Variants in NAV2 observed in about 807,000 individuals in gnomAD.
NAV2 encodes neuron navigator 2.
Under a neutral mutation model 223.2 loss-of-function variants are expected in NAV2, and 54 were observed. The observed-to-expected ratio is 0.24, with a 90% CI of 0.19 to 0.30. The LOEUF (loss-of-function observed/expected upper bound fraction) is 0.30, where lower values mean the gene tolerates loss of function less well. Ranked by LOEUF, NAV2 falls within the 10% of genes least tolerant of loss-of-function variation. NAV2 has a pLI of 1.00. For missense variants in NAV2, 2,806 were observed against 3,147.5 expected (o/e 0.89, Z 2.60); for synonymous variants, 1,279 against 1,239.3 (o/e 1.03, Z -0.67).
chr11:19,890,539 T>C (rs1232108787), intron 5 of NAV2, among the ~76,000 whole-genome samples: 1 of 152,192 alleles, frequency 6.6e-6, no homozygotes, highest in Non-Finnish European at 1.5e-5. Context: ...CTTAATACCA[T>C]TGCTCTGACA....
At chr11:19,888,167 G>A (rs541175691) in intron 5 of NAV2, among the ~76,000 whole-genome samples, 28 of 152,266 alleles carry the variant, frequency 1.8e-4, no homozygotes, top group Non-Finnish European at 3.4e-4. Context: ...ACATGTATAT[G>A]TTTCAAAGGA....
intron 1 of NAV2, among the ~76,000 whole-genome samples, chr11:19,532,172 TC>T (rs143033527): frequency 7.1e-4 from 108 of 152,092 alleles, no homozygotes; most frequent in African/African-American, 2.4e-3. Context: ...CAGTGAAAGA[TC>T]TTTTCTGGAA....
chr11:19,722,281 G>T (rs182697197), intron 1 of NAV2, among the ~76,000 whole-genome samples: 1 of 151,670 alleles, frequency 6.6e-6, no homozygotes, highest in Non-Finnish European at 1.5e-5. Context: ...TGTTTCCAAG[G>T]TTGCAAATAC....
chr11:19,875,062 C>G (rs992248243), intron 4 of NAV2, among the ~76,000 whole-genome samples: 1 of 152,182 alleles, frequency 6.6e-6, no homozygotes, highest in African/African-American at 2.4e-5. Context: ...GAGGCTGACT[C>G]AGGAGAATCA....
intron 1 of NAV2, among the ~76,000 whole-genome samples, chr11:19,557,511 G>A (rs747301914): frequency 2.6e-5 from 4 of 152,214 alleles, no homozygotes; most frequent in Non-Finnish European, 4.4e-5. Flanking sequence ...ATGGACAATC[G>A]ATGGTACTCT....
At chr11:19,626,357 TG>T (rs1032375228) in intron 1 of NAV2, among the ~76,000 whole-genome samples, 5 of 152,222 alleles carry the variant, frequency 3.3e-5, no homozygotes, top group Admixed American at 1.3e-4. Context: ...GGTTAATTTC[TG>T]GGTTCTCTAT....
intron 1 of NAV2, among the ~76,000 whole-genome samples, chr11:19,701,287 G>A (rs2152284265): frequency 6.6e-6 from 1 of 152,260 alleles, no homozygotes; most frequent in Admixed American, 6.5e-5. Flanking sequence ...GGCAAGGAAA[G>A]TGCTCAAATG....
intron 11 of NAV2, among the ~76,000 whole-genome samples, chr11:20,015,936 C>T (rs538835764): frequency 3.6e-4 from 55 of 152,142 alleles, no homozygotes; most frequent in Non-Finnish European, 4.4e-4. Context: ...CCTCTAATGC[C>T]GTGTCACGGA....
intron 1 of NAV2, among the ~76,000 whole-genome samples, chr11:19,450,152 G>A (rs1277243256): frequency 2.0e-5 from 3 of 152,200 alleles, no homozygotes; most frequent in Non-Finnish European, 4.4e-5. Context: ...GTACAGTGGA[G>A]CTGCAGGGGT....
At chr11:19,354,129 T>C (rs1264481032) in intron 1 of NAV2, among the ~76,000 whole-genome samples, 1 of 152,226 alleles carries the variant, frequency 6.6e-6, no homozygotes, top group South Asian at 2.1e-4. Context: ...ATAATTCCAG[T>C]ATTCATCTAT....
chr11:19,353,481 G>T (rs566472524), intron 1 of NAV2, among the ~76,000 whole-genome samples: 21 of 152,258 alleles, frequency 1.4e-4, no homozygotes, highest in African/African-American at 5.1e-4. Flanking sequence ...AATGCCAATG[G>T]TGCTGTGTGT....
chr11:20,080,470 T>G (rs1202120718), intron 25 of NAV2, among the ~76,000 whole-genome samples: 1 of 152,230 alleles, frequency 6.6e-6, no homozygotes, highest in Admixed American at 6.5e-5. Flanking sequence ...TCATCTTTCA[T>G]TTCATATGTG....
intron 1 of NAV2, among the ~76,000 whole-genome samples, chr11:19,795,205 A>C (rs1565329645): frequency 6.6e-6 from 1 of 152,254 alleles, no homozygotes. Flanking sequence ...ATTTAAAATG[A>C]GTTGTGAACA....
intron 23 of NAV2, 143 bp from the exon 24 acceptor site, chr11:20,077,850 T>G: frequency 1.4e-6 from 1 of 738,582 alleles, no homozygotes; most frequent in South Asian, 1.8e-5. Flanking sequence ...CTTTTATGTG[T>G]TTGTTCATGC....
At chr11:19,398,324 G>A (rs1849547804) in intron 1 of NAV2, among the ~76,000 whole-genome samples, 2 of 152,160 alleles carry the variant, frequency 1.3e-5, no homozygotes, top group Non-Finnish European at 2.9e-5. Flanking sequence ...AGAGCAATGA[G>A]AGGATGGTGC....
intron 1 of NAV2, among the ~76,000 whole-genome samples, chr11:19,789,723 G>A (rs1392753822): frequency 1.3e-5 from 2 of 152,218 alleles, no homozygotes; most frequent in African/African-American, 4.8e-5. Context: ...TTGGAGAACA[G>A]GATAGCATAT....
intron 6 of NAV2, among the ~76,000 whole-genome samples, chr11:19,923,597 CT>C (rs1413813640): frequency 6.6e-6 from 1 of 152,192 alleles, no homozygotes; most frequent in Non-Finnish European, 1.5e-5. Context: ...AGGAAGGGGC[CT>C]ACAGAATTCC....
intron 19 of NAV2, among the ~76,000 whole-genome samples, chr11:20,061,099 G>T (rs1181048527): frequency 6.6e-6 from 1 of 152,186 alleles, no homozygotes; most frequent in Non-Finnish European, 1.5e-5. Context: ...TCCACCCATG[G>T]CCAGGAAAGC....
At chr11:19,441,748 A>G (rs868653153) in intron 1 of NAV2, among the ~76,000 whole-genome samples, 3 of 152,044 alleles carry the variant, frequency 2.0e-5, no homozygotes, top group Admixed American at 6.5e-5. Flanking sequence ...AATTTATCGG[A>G]GCCCATTTTC....
Sources: allele counts gnomAD v4.1 joint callset (sites outside exome capture counted in the v4.1 genomes callset), GRCh38; gene constraint gnomAD v4.1.1; transcripts MANE v1.5; gene names NCBI Gene and HGNC (gene_info 2026-07-23, HGNC 2026-07-21).